The following PDGFC variants were observed in gnomAD, a reference collection of about 807,000 sequenced individuals.
PDGFC encodes platelet derived growth factor C, also known as platelet-derived growth factor C.
Under a neutral mutation model 35.5 loss-of-function variants are expected in PDGFC, and 12 were observed. The observed-to-expected ratio is 0.34, with a 90% CI of 0.22 to 0.55. The LOEUF (loss-of-function observed/expected upper bound fraction) is 0.55, where lower values mean the gene tolerates loss of function less well. Ranked by LOEUF, PDGFC falls within the 20% of genes least tolerant of loss-of-function variation. The probability of loss-of-function intolerance (pLI) is 0.91; values close to 1 mark genes in which losing one functional copy is unlikely to be tolerated. For synonymous variants in PDGFC, 159 were observed against 148.8 expected, an observed-to-expected ratio of 1.07 and a Z score of -0.50; for missense variants, 322 against 412.4, an observed-to-expected ratio of 0.78 and a Z score of 1.90.
At chr4:156,822,803 C>T (rs1050506288) in intron 2 of PDGFC, among the ~76,000 whole-genome samples, 2 of 151,780 alleles carry the variant, frequency 1.3e-5, no homozygotes, top group Admixed American at 6.6e-5. Context: ...CTCCTGTTAC[C>T]CAGGCTGGAG....
chr4:156,930,614 T>A (rs1031838434), intron 1 of PDGFC, among the ~76,000 whole-genome samples: 2 of 152,222 alleles, frequency 1.3e-5, no homozygotes, highest in African/African-American at 4.8e-5. Context: ...ACGCCTGTAA[T>A]CCCGGCACTT....
intron 1 of PDGFC, among the ~76,000 whole-genome samples, chr4:156,862,809 C>T (rs903499728): frequency 3.3e-5 from 5 of 151,828 alleles, no homozygotes; most frequent in Admixed American, 2.6e-4. Context: ...ATTCTCCTGC[C>T]TCAACCTCTG....
intron 3 of PDGFC, among the ~76,000 whole-genome samples, chr4:156,803,466 G>A (rs1347988839): frequency 6.6e-6 from 1 of 152,112 alleles, no homozygotes; most frequent in Non-Finnish European, 1.5e-5. Flanking sequence ...GTAAAGGCAG[G>A]AGGGTGACAG....
intron 1 of PDGFC, among the ~76,000 whole-genome samples, chr4:156,854,791 A>G (rs1729535192): frequency 6.6e-6 from 1 of 152,168 alleles, no homozygotes; most frequent in Non-Finnish European, 1.5e-5. Context: ...CCTATATCCA[A>G]CAGACAGTAT....
chr4:156,876,351 C>A (rs926948603), intron 1 of PDGFC: 1 of 151,646 alleles, frequency 6.6e-6, no homozygotes, highest in Non-Finnish European at 1.5e-5. Context: ...AGATGTGTTT[C>A]CTTATTGAAA....
chr4:156,802,748 A>G (rs1731650160), intron 3 of PDGFC, among the ~76,000 whole-genome samples: 2 of 152,186 alleles, frequency 1.3e-5, no homozygotes, highest in Admixed American at 6.5e-5. Flanking sequence ...TGACTAAGCC[A>G]GCACGCAGTA....
intron 2 of PDGFC, among the ~76,000 whole-genome samples, chr4:156,817,114 T>C (rs1343689289): frequency 6.6e-6 from 1 of 152,096 alleles, no homozygotes; most frequent in Non-Finnish European, 1.5e-5. Flanking sequence ...ACAAATGTTA[T>C]GTGGTGAGAA....
intron 2 of PDGFC, among the ~76,000 whole-genome samples, chr4:156,811,937 T>C (rs1464822744): frequency 1.3e-5 from 2 of 152,070 alleles, no homozygotes; most frequent in African/African-American, 2.4e-5. Context: ...TTGCCCCATG[T>C]CCTCCATGCC....
At chr4:156,936,207 G>A (rs1731676902) in intron 1 of PDGFC, among the ~76,000 whole-genome samples, 1 of 152,250 alleles carries the variant, frequency 6.6e-6, no homozygotes, top group Admixed American at 6.5e-5. Flanking sequence ...GTAATAGAAT[G>A]AGTTTCAAAA....
At chr4:156,765,944 A>G (rs1730513610) in intron 5 of PDGFC, among the ~76,000 whole-genome samples, 1 of 152,144 alleles carries the variant, frequency 6.6e-6, no homozygotes, top group African/African-American at 2.4e-5. Context: ...ACAATAAAGT[A>G]TGAGGGTTGG....
chr4:156,886,643 C>T (rs1232913487), intron 1 of PDGFC: 2 of 152,090 alleles, frequency 1.3e-5, no homozygotes, highest in Non-Finnish European at 2.9e-5. Flanking sequence ...TTAATGGTTG[C>T]CTCATTTCCC....
At chr4:156,965,772 C>T (rs1436245089) in intron 1 of PDGFC, among the ~76,000 whole-genome samples, 1 of 151,988 alleles carries the variant, frequency 6.6e-6, no homozygotes, top group Non-Finnish European at 1.5e-5. Flanking sequence ...ACTCCAGGTC[C>T]TTCAAGTCAT....
At chr4:156,916,545 G>A (rs1331601566) in intron 1 of PDGFC, among the ~76,000 whole-genome samples, 1 of 152,120 alleles carries the variant, frequency 6.6e-6, no homozygotes, top group Non-Finnish European at 1.5e-5. Context: ...CACTCCAAAT[G>A]CTGAGCTTGT....
intron 1 of PDGFC, among the ~76,000 whole-genome samples, chr4:156,895,054 T>C (rs17035418): frequency 0.045 from 6,886 of 152,258 alleles, 504 homozygotes; most frequent in African/African-American, 0.15. Context: ...AGATAACATA[T>C]CACACTTCTC....
intron 1 of PDGFC, among the ~76,000 whole-genome samples, chr4:156,936,760 C>T (rs1731693052): frequency 6.6e-6 from 1 of 152,104 alleles, no homozygotes; most frequent in Non-Finnish European, 1.5e-5. Context: ...AGAAGAATGA[C>T]AAATTAGAGA....
chr4:156,831,375 A>G (rs1341074680), intron 2 of PDGFC, among the ~76,000 whole-genome samples: 2 of 150,112 alleles, frequency 1.3e-5, no homozygotes, highest in Non-Finnish European at 3.0e-5. Flanking sequence ...TGGGTGGCTG[A>G]GGCAGGAGGA....
In PDGFC at chr4:156,824,285, CATAT is replaced by C. The variant is rs58698115; in HGVS notation, c.315-13272_315-13269del. On this transcript the variant is annotated intron_variant, in intron 2 of 5. Transcript: ENST00000502773. ...TTTAACCCGTCTAGAACAATGTAAG[CATAT>C]ATATATATATATATATATATATATA... Among the ~76,000 whole-genome samples the C allele has an allele frequency of 3.3e-3, 302 of 92,728 alleles. 1 individual carries two copies. Among genetic ancestry groups the C allele is most frequent in the East Asian group, 9.0e-3 (13 of 1,452 alleles). The allele number at this position is 92,728 out of a possible 152,430, so 60.8% of individuals were successfully genotyped here.
At chr4:156,880,291 T>C (rs944807041) in intron 1 of PDGFC, among the ~76,000 whole-genome samples, 3 of 152,140 alleles carry the variant, frequency 2.0e-5, no homozygotes, top group Non-Finnish European at 4.4e-5. Flanking sequence ...TTAAAATCAA[T>C]GCTCATTTAC....
At chr4:156,848,487 A>G (rs1355042972) in intron 2 of PDGFC, among the ~76,000 whole-genome samples, 3 of 152,012 alleles carry the variant, frequency 2.0e-5, no homozygotes, top group African/African-American at 4.8e-5. Context: ...AGAAGACACA[A>G]AAAAGGTTGA....
Sources: gnomAD v4.1 joint callset for allele counts (sites outside exome capture counted in the v4.1 genomes callset) on GRCh38, gnomAD v4.1.1 for gene constraint, MANE v1.5 for transcripts, NCBI Gene and HGNC (gene_info 2026-07-23, HGNC 2026-07-21) for gene names.